The following PLEKHA3 variants were observed in gnomAD, a reference collection of about 807,000 sequenced individuals.
PLEKHA3 encodes the protein pleckstrin homology domain containing A3.
Under a neutral mutation model 39.2 loss-of-function variants are expected in PLEKHA3, and 19 were observed. That is an observed-to-expected ratio of 0.48 (90% CI 0.34 to 0.71). The LOEUF is 0.71. PLEKHA3 is among the 30% of genes least tolerant of loss of function. The pLI, the probability that PLEKHA3 is intolerant of heterozygous loss-of-function variation, is 0.01. For synonymous variants in PLEKHA3, 97 were observed against 118.6 expected (o/e 0.82, Z 1.18); for missense variants, 253 against 359.5 (o/e 0.70, Z 2.40).
At position 178,503,857 on chromosome 2, in the gene PLEKHA3, A is replaced by G. The variant is rs1343513765; in HGVS notation, c.873A>G (p.Ser291=). ...SRLMAKKQSE[S]EDTLPSFSS is the part of the protein sequence containing the mutation. ...TTATGGCCAAAAAACAATCTGAATC[A>G]GAAGATACTCTTCCATCCTTCTCTT... Residue 291 remains serine, a synonymous_variant, in exon 8 of 8, where the codon TCA becomes TCG. Transcript: ENST00000234453. 6.2e-7 allele frequency: 1 copy of G among 1,611,806 alleles called. No individual in the cohort carries two copies. Among genetic ancestry groups the G allele is most frequent in the Admixed American group, 1.7e-5 (1 of 59,932 alleles).
chr2:178,498,925 C>T (rs575220189), intron 5 of PLEKHA3, among the ~76,000 whole-genome samples: 2 of 152,010 alleles, frequency 1.3e-5, no homozygotes, highest in Non-Finnish European at 2.9e-5. Context: ...TATACACACA[C>T]ATATATATGT....
Position 178,502,810 on chromosome 2 carries a change from ACG to A in PLEKHA3, c.776-948_776-947del, listed in dbSNP as rs201934080. Among the ~76,000 whole-genome samples the A allele has an allele frequency of 9.3e-5, 9 of 97,238 alleles. No homozygotes were observed. In the South Asian group the frequency reaches 1.2e-3, roughly 13 times the overall value. The allele number at this position is 97,238 out of a possible 152,430, so 63.8% of individuals were successfully genotyped here. ...ACTAGTCTCACACACACACACACGC[ACG>A]CACACACACACACGCGCATACATAT... On this transcript the variant is annotated intron_variant, in intron 7 of 7. Transcript: ENST00000234453.
intron 5 of PLEKHA3, among the ~76,000 whole-genome samples, chr2:178,496,177 A>G (rs1685443213): frequency 1.3e-5 from 2 of 152,182 alleles, no homozygotes; most frequent in Admixed American, 1.3e-4. Context: ...TATATCAGAG[A>G]GTCACTGCAA....
chr2:178,507,672 T>A lies in PLEKHA3; in HGVS notation c.*3785T>A, dbSNP rs1685625411. ...TCTCACATTAGGTTTTTTTTTTTTT[T>A]TTTTTTTTTTTTTTTTTTTTTTGGC... is the stretch of plus-strand genomic sequence containing the variant. On this transcript the variant is annotated 3_prime_UTR_variant, in exon 8 of 8. Coordinates refer to ENST00000234453, the MANE Select transcript of PLEKHA3 (RefSeq NM_019091.4). 9.3e-6 allele frequency: 1 copy of A among 107,688 alleles called. No homozygotes were observed. Among genetic ancestry groups the A allele is most frequent in the Non-Finnish European group, 1.7e-5 (1 of 57,178 alleles). The allele number at this position is 107,688 out of a possible 1,614,324, so 6.7% of individuals were successfully genotyped here.
At chr2:178,491,503 T>A (rs1343813891) in intron 3 of PLEKHA3, among the ~76,000 whole-genome samples, 1 of 152,208 alleles carries the variant, frequency 6.6e-6, no homozygotes, top group Non-Finnish European at 1.5e-5. Flanking sequence ...GGAAGTGGAA[T>A]TTGTGGGAAG....
rs1685720362 is a variant in PLEKHA3 at position 178,513,733 on chromosome 2, T to C, written c.*9846T>C. 1 of 151,934 alleles carries C rather than the reference T, an allele frequency of 6.6e-6. No individual in the cohort carries two copies. Among genetic ancestry groups the C allele is most frequent in the African/African-American group, 2.4e-5 (1 of 41,386 alleles). 9.4% of individuals were successfully genotyped at this position (151,934 alleles called of 1,614,324 possible). On this transcript the variant is annotated 3_prime_UTR_variant, in exon 8 of 8. Transcript: ENST00000234453. ...AGAAGTTACCACTACTTGGTCAAAA[T>C]AGAGAGTTGTGGGTTTTTTTTTTTG... is the stretch of plus-strand genomic sequence containing the variant.
At position 178,509,306 on chromosome 2, in the gene PLEKHA3, T is replaced by G. The variant is rs1397171004; in HGVS notation, c.*5419T>G. The G allele has an allele frequency of 6.6e-6, 1 of 152,198 alleles. No individual in the cohort carries two copies. 9.4% of individuals were successfully genotyped at this position (152,198 alleles called of 1,614,324 possible). A position where few individuals can be genotyped will look rare whatever the true frequency, so the allele number is the denominator to read the frequency against. ...TCTTTAGTATTAATTTGTAATTCATTCTAGTGATTTTTAATTCATATGGTT... is the reference window on the plus strand; with the variant it reads ...TCTTTAGTATTAATTTGTAATTCATGCTAGTGATTTTTAATTCATATGGTT... On this transcript the variant is annotated 3_prime_UTR_variant, in exon 8 of 8. Coordinates refer to ENST00000234453, the MANE Select transcript of PLEKHA3 (RefSeq NM_019091.4).
chr2:178,485,838 G>A lies in PLEKHA3; in HGVS notation c.157+81G>A, dbSNP rs1685240819. 1.0e-5 allele frequency: 11 copies of A among 1,057,310 alleles called. No homozygotes were observed. The South Asian group carries it at 1.4e-4, about 14-fold the overall frequency. 65.5% of individuals were successfully genotyped at this position (1,057,310 alleles called of 1,614,324 possible). A position where few individuals can be genotyped will look rare whatever the true frequency, so the allele number is the denominator to read the frequency against. Reference sequence around the variant, plus strand: ...AGCATACTCCAGACGAGGAAAAAAAGCATTTCTAACCACGTAGGGATCATC... The same window carrying A: ...AGCATACTCCAGACGAGGAAAAAAAACATTTCTAACCACGTAGGGATCATC... On this transcript the variant is annotated intron_variant, in intron 2 of 7. Transcript: ENST00000234453.
At chr2:178,503,550 A>T in intron 7 of PLEKHA3, among the ~76,000 whole-genome samples, 1 of 151,990 alleles carries the variant, frequency 6.6e-6, no homozygotes, top group Non-Finnish European at 1.5e-5. Context: ...TTCATCATTT[A>T]TCTTATGAAT....
At position 178,490,954 on chromosome 2, in the gene PLEKHA3, TAAACATTTTGTAA is replaced by T. The variant is rs1235125253; in HGVS notation, c.313+143_313+155del. The stretch of plus-strand genomic sequence containing the variant: ...AGATTTACGTATATCTTTATCATAG[TAAACATTTTGTAA>T]AAGCTATAAATTTAGGGGAATGGCT... On this transcript the variant is annotated intron_variant, in intron 3 of 7. Coordinates refer to ENST00000234453, the MANE Select transcript of PLEKHA3 (RefSeq NM_019091.4). 8.1e-6 allele frequency: 5 copies of T among 615,602 alleles called. No homozygotes were observed. The East Asian group carries it at 1.4e-4, about 17-fold the overall frequency. 38.1% of individuals were successfully genotyped at this position (615,602 alleles called of 1,614,324 possible). A position where few individuals can be genotyped will look rare whatever the true frequency, so the allele number is the denominator to read the frequency against.
At position 178,507,908 on chromosome 2, in the gene PLEKHA3, GT is replaced by G. The variant is rs1685628854; in HGVS notation, c.*4026del. On this transcript the variant is annotated 3_prime_UTR_variant, in exon 8 of 8. Coordinates refer to ENST00000234453, the MANE Select transcript of PLEKHA3 (RefSeq NM_019091.4). ...GATACCGTTCCTTTACCTGGGATCT[GT>G]TTTTACACTCTGTAAGCTTTTAGGA... 1.3e-5 allele frequency: 2 copies of G among 153,218 alleles called. No individual in the cohort carries two copies. The highest frequency in any genetic ancestry group is 6.6e-5 in the Admixed American group (1 of 15,206). The allele number at this position is 153,218 out of a possible 1,614,324, so 9.5% of individuals were successfully genotyped here.
At chr2:178,489,276 A>T (rs780012706) in intron 2 of PLEKHA3, among the ~76,000 whole-genome samples, 38 of 152,182 alleles carry the variant, frequency 2.5e-4, no homozygotes, top group Non-Finnish European at 5.0e-4. Context: ...GAATAATAAG[A>T]TAGCAACATT....
In PLEKHA3 at chr2:178,514,194, C is replaced by CT. The variant is rs75671564; in HGVS notation, c.*10322dup. The CT allele has an allele frequency of 0.023, 3,172 of 135,318 alleles. 48 individuals are homozygous for CT. Among genetic ancestry groups the CT allele is most frequent in the Middle Eastern group, 0.04 (10 of 248 alleles). 8.4% of individuals were successfully genotyped at this position (135,318 alleles called of 1,614,324 possible). A position where few individuals can be genotyped will look rare whatever the true frequency, so the allele number is the denominator to read the frequency against. On this transcript the variant is annotated 3_prime_UTR_variant, in exon 8 of 8. Coordinates refer to ENST00000234453, the MANE Select transcript of PLEKHA3 (RefSeq NM_019091.4). ...ATCATGACCATGGATAGCAAACTGCCTTTTTTTTTTTTTTTAACTCCTGTG... is the reference window on the plus strand; with the variant it reads ...ATCATGACCATGGATAGCAAACTGCCTTTTTTTTTTTTTTTTAACTCCTGTG...
At chr2:178,484,096 C>T (rs922084263) in intron 1 of PLEKHA3, among the ~76,000 whole-genome samples, 2 of 152,158 alleles carry the variant, frequency 1.3e-5, no homozygotes, top group African/African-American at 4.8e-5. Flanking sequence ...AACAAAACAA[C>T]AGCAACAATC....
At position 178,511,173 on chromosome 2, in the gene PLEKHA3, A is replaced by G. The variant is rs1177028968; in HGVS notation, c.*7286A>G. ...GAGGGAGATTTTTATTTGTAAGGAC[A>G]TTTGTATTATCTTTCATTAAAGTAG... On this transcript the variant is annotated 3_prime_UTR_variant, in exon 8 of 8. Transcript: ENST00000234453. 1 of 152,146 alleles carries G rather than the reference A, an allele frequency of 6.6e-6. No individual in the cohort carries two copies. The highest frequency in any genetic ancestry group is 6.5e-5 in the Admixed American group (1 of 15,278). The allele number at this position is 152,146 out of a possible 1,614,324, so 9.4% of individuals were successfully genotyped here. A position where few individuals can be genotyped will look rare whatever the true frequency, so the allele number is the denominator to read the frequency against.
At chr2:178,497,424 G>A (rs1194571985) in intron 5 of PLEKHA3, among the ~76,000 whole-genome samples, 1 of 151,932 alleles carries the variant, frequency 6.6e-6, no homozygotes, top group Admixed American at 6.6e-5. Context: ...TAGAGACGGG[G>A]TTTCACCATG....
At chr2:178,499,634 TG>T (rs1274450830) in intron 6 of PLEKHA3, among the ~76,000 whole-genome samples, 1 of 152,152 alleles carries the variant, frequency 6.6e-6, no homozygotes, top group Non-Finnish European at 1.5e-5. Flanking sequence ...TGTTTAGGTA[TG>T]TTTAGATACA....
chr2:178,506,318 C>A lies in PLEKHA3; in HGVS notation c.*2431C>A, dbSNP rs1404683092. On this transcript the variant is annotated 3_prime_UTR_variant, in exon 8 of 8. Transcript: ENST00000234453. Reference sequence around the variant, plus strand: ...CAAAAGCAGTGCTTGTTTTTCATTTCAAGTGCTTGCTCACTATTCTTTGGG... The same window carrying A: ...CAAAAGCAGTGCTTGTTTTTCATTTAAAGTGCTTGCTCACTATTCTTTGGG... 6.6e-6 allele frequency: 1 copy of A among 152,118 alleles called. No individual in the cohort carries two copies. The highest frequency in any genetic ancestry group is 1.5e-5 in the Non-Finnish European group (1 of 68,006). 9.4% of individuals were successfully genotyped at this position (152,118 alleles called of 1,614,324 possible). A position where few individuals can be genotyped will look rare whatever the true frequency, so the allele number is the denominator to read the frequency against.
chr2:178,492,561 A>G (rs541926323), intron 3 of PLEKHA3, among the ~76,000 whole-genome samples: 1 of 151,816 alleles, frequency 6.6e-6, no homozygotes, highest in African/African-American at 2.4e-5. Flanking sequence ...AGCATGGCAC[A>G]TGTATACATA....
Sources: gnomAD v4.1 joint callset for allele counts (sites outside exome capture counted in the v4.1 genomes callset) on GRCh38, gnomAD v4.1.1 for gene constraint, MANE v1.5 for transcripts, NCBI Gene and HGNC (gene_info 2026-07-23, HGNC 2026-07-21) for gene names.